The following DOCK2 variants were observed in gnomAD, a reference collection of about 807,000 sequenced individuals.
DOCK2 encodes the protein dedicator of cytokinesis protein 2.
Under a neutral mutation model 248.9 loss-of-function variants are expected in DOCK2, and 87 were observed. That is an observed-to-expected ratio of 0.35 (90% CI 0.29 to 0.42). The LOEUF (loss-of-function observed/expected upper bound fraction) is 0.42. Ranked by LOEUF, DOCK2 falls within the 10% of genes least tolerant of loss-of-function variation. DOCK2 has a pLI of 1.00. For missense variants in DOCK2, 1,747 were observed against 2,300.2 expected (o/e 0.76, Z 4.92); for synonymous variants, 805 against 821.6 (o/e 0.98, Z 0.35).
intron 1 of DOCK2, among the ~76,000 whole-genome samples, 192 bp downstream of exon 1, chr5:169,637,561 G>A (rs1279807371): frequency 6.6e-6 from 1 of 152,138 alleles, no homozygotes; most frequent in Non-Finnish European, 1.5e-5. Flanking sequence ...ACCCCACCCC[G>A]CAGGCTAAGC....
At chr5:169,872,023 A>T (rs1162825715) in intron 27 of DOCK2, among the ~76,000 whole-genome samples, 1 of 152,196 alleles carries the variant, frequency 6.6e-6, no homozygotes, top group Non-Finnish European at 1.5e-5. Context: ...CTGCTCTTTT[A>T]TAAACAGGCA....
chr5:169,923,482 G>GGC lies in DOCK2; in HGVS notation c.2800-59585_2800-59584dup, dbSNP rs111621936. Among the ~76,000 whole-genome samples, 84 of 98,014 alleles carry GGC rather than the reference G, an allele frequency of 8.6e-4. 1 individual carries two copies. The highest frequency in any genetic ancestry group is 3.7e-3 in the African/African-American group (77 of 20,738). The allele number at this position is 98,014 out of a possible 152,430, so 64.3% of individuals were successfully genotyped here. On this transcript the variant is annotated intron_variant, in intron 27 of 51. Coordinates refer to ENST00000520908, the MANE Select transcript of DOCK2 (RefSeq NM_004946.3). ...ACATGCGTGCGTGTGCATGCACGTG[G>GGC]GCACACACACACACACACACACACA... is the stretch of plus-strand genomic sequence containing the variant.
chr5:169,934,154 T>C (rs1407596340), intron 27 of DOCK2, among the ~76,000 whole-genome samples: 1 of 152,098 alleles, frequency 6.6e-6, no homozygotes, highest in Non-Finnish European at 1.5e-5. Flanking sequence ...TGTTCCCAAT[T>C]AGGGGTTGGC....
intron 2 of DOCK2, among the ~76,000 whole-genome samples, chr5:169,663,065 A>T (rs1164197089): frequency 6.6e-6 from 1 of 152,246 alleles, no homozygotes; most frequent in Non-Finnish European, 1.5e-5. Flanking sequence ...GGGTACAAGC[A>T]TTGGGTAAAT....
intron 22 of DOCK2, among the ~76,000 whole-genome samples, chr5:169,729,602 G>A (rs1158691526): frequency 1.3e-5 from 2 of 152,186 alleles, no homozygotes; most frequent in Non-Finnish European, 2.9e-5. Flanking sequence ...TTCTATGCTA[G>A]GAGACTCTAG....
chr5:169,799,338 A>G (rs767578911), intron 25 of DOCK2, among the ~76,000 whole-genome samples: 1 of 152,188 alleles, frequency 6.6e-6, no homozygotes, highest in Admixed American at 6.5e-5. Flanking sequence ...GTTGGGCTTA[A>G]TTATCACATC....
At chr5:169,658,479 CAA>C (rs5873187) in intron 2 of DOCK2, among the ~76,000 whole-genome samples, 73 of 76,028 alleles carry the variant, frequency 9.6e-4, no homozygotes, top group African/African-American at 2.9e-3. Context: ...GCCTCCGTCT[CAA>C]AAAAAAAAAA....
intron 15 of DOCK2, among the ~76,000 whole-genome samples, chr5:169,710,633 T>C (rs1761528278): frequency 6.6e-6 from 1 of 152,184 alleles, no homozygotes. Flanking sequence ...ATTAGCAGCA[T>C]TCTTTATTCC....
chr5:169,678,580 AT>A (rs1759474475), intron 6 of DOCK2, among the ~76,000 whole-genome samples: 1 of 152,126 alleles, frequency 6.6e-6, no homozygotes, highest in African/African-American at 2.4e-5. Flanking sequence ...AAGTTTTAAA[AT>A]GCATTTTGAA....
chr5:169,910,537 CAGCATCCTTTCCCTGTGTGCCCAGGG>C (rs138420609), intron 27 of DOCK2, among the ~76,000 whole-genome samples: 5,871 of 152,274 alleles, frequency 0.039, 131 homozygotes, highest in Non-Finnish European at 0.055. Flanking sequence ...GACCTGTTTT[CAGCATCCTTTCCCTGTGTGCCCAGGG>C]AGCTCCTCCG....
Position 169,765,343 on chromosome 5 carries a change from G to A in DOCK2, c.2554+3718G>A, listed in dbSNP as rs147295017. On this transcript the variant is annotated intron_variant, in intron 25 of 51. Transcript: ENST00000520908. Reference sequence around the variant, plus strand: ...CACCAGCCAGGTTCCCACATGGAATGTCTTGCTCCCTGTGGATGACTTCAG... The same window carrying A: ...CACCAGCCAGGTTCCCACATGGAATATCTTGCTCCCTGTGGATGACTTCAG... 5.8e-3 allele frequency among the ~76,000 whole-genome samples: 883 copies of A among 152,316 alleles called. 3 individuals are homozygous for A. The highest frequency in any genetic ancestry group is 9.8e-3 in the Non-Finnish European group (668 of 68,032).
rs1233515629 is a variant in DOCK2, at chr5:169,882,682, C to T, written c.2799+41830C>T. On this transcript the variant is annotated intron_variant, in intron 27 of 51. Transcript: ENST00000520908. ...GCCTTGGAGGTCGCAGAGTTCACCC[C>T]GTGCCAGGTGAATTTGATTAATGTC... is the stretch of plus-strand genomic sequence containing the variant. 1.7e-5 allele frequency: 27 copies of T among 1,551,934 alleles called. No homozygotes were observed. Among genetic ancestry groups the T allele is most frequent in the Non-Finnish European group, 2.1e-5 (24 of 1,147,052 alleles).
intron 25 of DOCK2, among the ~76,000 whole-genome samples, chr5:169,792,399 G>GTA (rs200685083): frequency 1.4e-5 from 2 of 147,216 alleles, no homozygotes; most frequent in African/African-American, 5.3e-5. Flanking sequence ...ATGTATATGT[G>GTA]TATATATATT....
chr5:169,972,542 C>CAGACAGAT (rs1777543927), intron 27 of DOCK2, among the ~76,000 whole-genome samples: 1 of 141,330 alleles, frequency 7.1e-6, no homozygotes, highest in Admixed American at 7.2e-5. Context: ...CACTGTGAGA[C>CAGACAGAT]AGATAGATAG....
At chr5:169,713,499 G>C (rs1357556593) in intron 17 of DOCK2, among the ~76,000 whole-genome samples, 3 of 151,802 alleles carry the variant, frequency 2.0e-5, no homozygotes, top group Non-Finnish European at 2.9e-5. Flanking sequence ...CATATTATCT[G>C]CTCAGGTATT....
chr5:169,905,559 T>A (rs1774228817), intron 27 of DOCK2, among the ~76,000 whole-genome samples: 1 of 152,198 alleles, frequency 6.6e-6, no homozygotes, highest in Non-Finnish European at 1.5e-5. Context: ...CCCACCTCTC[T>A]GAGGGTAATG....
intron 27 of DOCK2, among the ~76,000 whole-genome samples, chr5:169,979,246 A>C (rs979182661): frequency 1.3e-5 from 2 of 152,194 alleles, no homozygotes; most frequent in Non-Finnish European, 2.9e-5. Context: ...GAACAACGTC[A>C]GTGTTAGGGC....
rs1581571758 is a variant in DOCK2 at position 170,067,543 on chromosome 5, A to G, written c.4501A>G (p.Thr1501Ala). ...TAGTCCTCTGGAGAATGCCATAGAA[A>G]CCATGTCCACGGCCAATGAGAAGAT... is the stretch of plus-strand genomic sequence containing the variant. ...TISPLENAIE[T>A]MSTANEKILM... Residue 1501 changes from threonine (T) to alanine (A), a missense_variant, in exon 45 of 52, where the codon ACC becomes GCC. Physicochemically the swap from Thr to Ala is moderately conservative, Grantham distance 58 (BLOSUM62 0). Around this residue, in one of 4 missense-constraint regions of DOCK2, gnomAD observed 513 missense variants for 586.1 expected, o/e 0.88. Transcript: ENST00000520908. 2 of 1,614,196 alleles carry G rather than the reference A, an allele frequency of 1.2e-6. No homozygotes were observed. Among genetic ancestry groups the G allele is most frequent in the South Asian group, 2.2e-5 (2 of 91,082 alleles).
intron 23 of DOCK2, among the ~76,000 whole-genome samples, chr5:169,753,341 G>A (rs1764006184): frequency 6.6e-6 from 1 of 151,772 alleles, no homozygotes; most frequent in African/African-American, 2.4e-5. Flanking sequence ...TTGTCCCGAT[G>A]TTCTCCCTGC....
Sources: gnomAD v4.1 joint callset for allele counts (sites outside exome capture counted in the v4.1 genomes callset) on GRCh38, gnomAD v4.1.1 for gene constraint, gnomAD v4.1.1 regional missense constraint, MANE v1.5 for transcripts, NCBI Gene and HGNC (gene_info 2026-07-23, HGNC 2026-07-21) for gene names.